LINGO2: variants seen among roughly 807,000 people sequenced by gnomAD.
LINGO2 encodes leucine rich repeat and Ig domain containing 2, also known as leucine-rich repeat and immunoglobulin-like domain-containing nogo receptor-interacting protein 2.
A neutral mutation model predicts 30.6 loss-of-function variants in LINGO2; 14 were observed. That is an observed-to-expected ratio of 0.46 (90% CI 0.30 to 0.72). The LOEUF is 0.72. Ranked by LOEUF, LINGO2 falls within the 30% of genes least tolerant of loss-of-function variation. LINGO2 has a pLI of 0.07. For missense variants in LINGO2, 729 were observed against 751.7 expected (o/e 0.97, Z 0.35); for synonymous variants, 317 against 288.5 (o/e 1.10, Z -1.00).
intron 2 of LINGO2, among the ~76,000 whole-genome samples, chr9:28,464,451 A>C (rs1825215110): frequency 6.6e-6 from 1 of 152,162 alleles, no homozygotes. Flanking sequence ...TTTGCTGTAC[A>C]TGGCTGTCAT....
chr9:29,170,836 A>G, the LINGO2 span, among the ~76,000 whole-genome samples: 1 of 152,174 alleles, frequency 6.6e-6, no homozygotes, highest in African/African-American at 2.4e-5. Context: ...AAAAATACAA[A>G]TAAAATAAAT....
At chr9:28,676,914 G>A in the LINGO2 span, among the ~76,000 whole-genome samples, 1 of 151,902 alleles carries the variant, frequency 6.6e-6, no homozygotes, top group African/African-American at 2.4e-5. Flanking sequence ...ATTTTGTTTG[G>A]TCTTAAAACA....
At chr9:28,302,195 G>C (rs1268139304) in intron 3 of LINGO2, among the ~76,000 whole-genome samples, 3 of 152,156 alleles carry the variant, frequency 2.0e-5, no homozygotes. Flanking sequence ...GTTTTTATTG[G>C]TGTAAGGCAG....
the LINGO2 span, among the ~76,000 whole-genome samples, chr9:29,032,381 C>T: frequency 2.0e-5 from 3 of 152,136 alleles, no homozygotes; most frequent in African/African-American, 7.2e-5. Flanking sequence ...ACAATACATA[C>T]AGCAAAGCTC....
At chr9:28,968,612 T>C in the LINGO2 span, among the ~76,000 whole-genome samples, 1 of 152,160 alleles carries the variant, frequency 6.6e-6, no homozygotes, top group Non-Finnish European at 1.5e-5. Context: ...TAGATGTCTT[T>C]TGGATGAATT....
At chr9:28,356,043 G>C (rs1488889751) in intron 3 of LINGO2, among the ~76,000 whole-genome samples, 3 of 152,074 alleles carry the variant, frequency 2.0e-5, no homozygotes, top group Non-Finnish European at 4.4e-5. Flanking sequence ...TGTCTATACA[G>C]AGCTATTGAT....
Position 28,441,799 on chromosome 9 carries a change from C to T in LINGO2, c.-279+34141G>A, listed in dbSNP as rs76842859. Among the ~76,000 whole-genome samples the T allele has an allele frequency of 8.3e-3, 1,267 of 152,090 alleles. 19 individuals carry two copies. The highest frequency in any genetic ancestry group is 0.027 in the African/African-American group (1,135 of 41,506). ...TTCTTCCTTGCATTATTCAAGTCAC[C>T]TATTACTTGAGATTTATTGCAAACA... On this transcript the variant is annotated intron_variant, in intron 2 of 5. Coordinates refer to ENST00000379992, the Ensembl canonical transcript of LINGO2.
chr9:28,517,355 C>A lies in LINGO2; in HGVS notation c.-364-41330G>T, dbSNP rs186064469. Among the ~76,000 whole-genome samples the A allele has an allele frequency of 5.3e-5, 8 of 152,314 alleles. No homozygotes were observed. The East Asian group carries it at 1.4e-3, about 26-fold the overall frequency. On this transcript the variant is annotated intron_variant, in intron 1 of 5. Coordinates refer to ENST00000379992, the Ensembl canonical transcript of LINGO2. The stretch of plus-strand genomic sequence containing the variant: ...TCTCTTTGTAATTGAAAACATCTAA[C>A]AGACTTTCTAGGAAGCAAATGCTAG...
intron 3 of LINGO2, among the ~76,000 whole-genome samples, chr9:28,336,512 T>G (rs1246344446): frequency 6.6e-6 from 1 of 152,192 alleles, no homozygotes; most frequent in Non-Finnish European, 1.5e-5. Flanking sequence ...AGACTTTCTA[T>G]ACATCCTTTC....
chr9:28,537,787 T>C (rs965659083), intron 1 of LINGO2, among the ~76,000 whole-genome samples: 1 of 151,686 alleles, frequency 6.6e-6, no homozygotes, highest in Admixed American at 6.6e-5. Flanking sequence ...AGAGGCAATA[T>C]TCAAAGTGGT....
chr9:28,290,080 C>G (rs542342080), intron 4 of LINGO2, among the ~76,000 whole-genome samples: 1 of 152,294 alleles, frequency 6.6e-6, no homozygotes, highest in African/African-American at 2.4e-5. Context: ...AACTCTCCAT[C>G]ATTCTTCTGC....
intron 2 of LINGO2, among the ~76,000 whole-genome samples, chr9:28,460,228 A>T (rs930189495): frequency 3.9e-5 from 6 of 152,312 alleles, no homozygotes; most frequent in Non-Finnish European, 7.3e-5. Context: ...TATGCTTAAT[A>T]TAGGAGCAAA....
chr9:29,095,347 C>T, the LINGO2 span, among the ~76,000 whole-genome samples: 6 of 137,804 alleles, frequency 4.4e-5, 3 homozygotes. Flanking sequence ...AAAATAATCG[C>T]TTTTATATAA....
At chr9:28,177,756 T>A (rs1201802579) in intron 4 of LINGO2, among the ~76,000 whole-genome samples, 1 of 152,138 alleles carries the variant, frequency 6.6e-6, no homozygotes, top group Non-Finnish European at 1.5e-5. Context: ...GCTGGCCATT[T>A]CCTCTCATTC....
chr9:28,147,793 C>T lies in LINGO2; in HGVS notation c.-86-135388G>A, dbSNP rs1214847498. Among the ~76,000 whole-genome samples the T allele has an allele frequency of 1.3e-5, 2 of 152,140 alleles. No homozygotes were observed. Among genetic ancestry groups the T allele is most frequent in the East Asian group, 3.9e-4 (2 of 5,156 alleles). ...CGGTGGAAGGGTCTCACCCTTTGCC[C>T]TTTGACTCCTCTTGTAGGCACCCTC... is the stretch of plus-strand genomic sequence containing the variant. On this transcript the variant is annotated intron_variant, in intron 4 of 5. Coordinates refer to ENST00000379992, the Ensembl canonical transcript of LINGO2. This position sits in a 1 kb window ranked among gnomAD's most constrained non-coding sequence, Gnocchi z 4.7.
chr9:28,296,390 C>T (rs1369868091), intron 3 of LINGO2, among the ~76,000 whole-genome samples: 1 of 152,100 alleles, frequency 6.6e-6, no homozygotes, highest in Non-Finnish European at 1.5e-5. Flanking sequence ...TTATTTTCTA[C>T]GTAGTGCACA....
chr9:28,253,717 C>T (rs1822286007), intron 4 of LINGO2, among the ~76,000 whole-genome samples: 1 of 152,108 alleles, frequency 6.6e-6, no homozygotes, highest in Admixed American at 6.5e-5. Context: ...TAACCTGCGG[C>T]CTGGGGCAAC....
the LINGO2 span, among the ~76,000 whole-genome samples, chr9:28,841,371 G>A: frequency 6.6e-6 from 1 of 151,716 alleles, no homozygotes; most frequent in East Asian, 1.9e-4. Context: ...CATGTTTCTG[G>A]GCCTGAAATT....
At chr9:29,210,357 A>T in the LINGO2 span, among the ~76,000 whole-genome samples, 1 of 152,196 alleles carries the variant, frequency 6.6e-6, no homozygotes, top group Non-Finnish European at 1.5e-5. Context: ...CTTTGGTTTT[A>T]GAGGTGTCTT....
Sources: gnomAD v4.1 joint callset for allele counts (sites outside exome capture counted in the v4.1 genomes callset) on GRCh38, gnomAD v4.1.1 for gene constraint, Gnocchi (gnomAD v3.1) non-coding constraint, MANE v1.5 for transcripts, NCBI Gene and HGNC (gene_info 2026-07-23, HGNC 2026-07-21) for gene names.